CCDC186: variants seen among roughly 807,000 people sequenced by gnomAD.
CCDC186 encodes the protein coiled-coil domain containing 186.
Under a neutral mutation model 113.7 loss-of-function variants are expected in CCDC186, and 49 were observed. That is an observed-to-expected ratio of 0.43 (90% CI 0.34 to 0.55). CCDC186 has a LOEUF of 0.55. Ranked by LOEUF, CCDC186 falls within the 20% of genes least tolerant of loss-of-function variation. The pLI, the probability that CCDC186 is intolerant of heterozygous loss-of-function variation, is 0.02. For synonymous variants in CCDC186, 355 were observed against 345.8 expected (o/e 1.03, Z -0.30); for missense variants, 890 against 1,011.1 (o/e 0.88, Z 1.62).
At chr10:114,150,264 A>C (rs1209468185) in intron 4 of CCDC186, among the ~76,000 whole-genome samples, 2 of 152,226 alleles carry the variant, frequency 1.3e-5, no homozygotes, top group African/African-American at 4.8e-5. Flanking sequence ...GAAGATGACA[A>C]AGACGTCATC....
At chr10:114,142,286 CT>C (rs2031493901) in intron 6 of CCDC186, among the ~76,000 whole-genome samples, 1 of 152,240 alleles carries the variant, frequency 6.6e-6, no homozygotes, top group South Asian at 2.1e-4. Flanking sequence ...ATATTACCAT[CT>C]ACAACCTCCT....
intron 7 of CCDC186, 132 bp downstream of exon 7, chr10:114,137,054 T>A (rs1231885092): frequency 3.3e-6 from 2 of 598,308 alleles, no homozygotes; most frequent in East Asian, 6.2e-5. Flanking sequence ...GAGGCAGAGG[T>A]TGCAGTGAGC....
intron 2 of CCDC186, among the ~76,000 whole-genome samples, chr10:114,160,889 T>G (rs2032151520): frequency 6.6e-6 from 1 of 152,214 alleles, no homozygotes; most frequent in Non-Finnish European, 1.5e-5. Flanking sequence ...AACCTTGATT[T>G]AAAATAACAT....
rs1439748523 is a variant in CCDC186 at position 114,135,876 on chromosome 10, T to C, written c.1512+15A>G. ...TTTACCCTTCCTCTGGATTCATGAC[T>C]AAAGACTGAATTACCTTTGTTCTCA... is the stretch of plus-strand genomic sequence containing the variant. On this transcript the variant is annotated intron_variant, in intron 9 of 15. Coordinates refer to ENST00000369287, the MANE Select transcript of CCDC186 (RefSeq NM_018017.4). 6.3e-7 allele frequency: 1 copy of C among 1,579,940 alleles called. No individual in the cohort carries two copies. The highest frequency in any genetic ancestry group is 1.3e-5 in the African/African-American group (1 of 74,132).
chr10:114,123,379 A>G lies in CCDC186; in HGVS notation c.*1764T>C, dbSNP rs1023482365. On this transcript the variant is annotated 3_prime_UTR_variant, in exon 16 of 16. Transcript: ENST00000369287. Reference sequence around the variant, plus strand: ...ACATCTAATTCAATATATAGAAAAAAAGACATTCATTAAATAATCTAATCC... The same window carrying G: ...ACATCTAATTCAATATATAGAAAAAGAGACATTCATTAAATAATCTAATCC... The G allele has an allele frequency of 2.6e-5, 4 of 152,264 alleles. No homozygotes were observed. The highest frequency in any genetic ancestry group is 9.7e-5 in the African/African-American group (4 of 41,448). 9.4% of individuals were successfully genotyped at this position (152,264 alleles called of 1,614,324 possible). A position where few individuals can be genotyped will look rare whatever the true frequency, so the allele number is the denominator to read the frequency against.
At chr10:114,149,586 A>G (rs1348870983) in intron 4 of CCDC186, among the ~76,000 whole-genome samples, 3 of 18,088 alleles carry the variant, frequency 1.7e-4, no homozygotes, top group Non-Finnish European at 3.1e-4. Context: ...AGGGAAGGGA[A>G]GGGAAGGGAA....
At chr10:114,153,353 A>C (rs574864690) in intron 3 of CCDC186, among the ~76,000 whole-genome samples, 3 of 152,366 alleles carry the variant, frequency 2.0e-5, no homozygotes, top group East Asian at 1.9e-4. Flanking sequence ...CTGCTAAAGA[A>C]ACACAGAAGA....
Position 114,151,128 on chromosome 10 carries a change from C to G in CCDC186, c.852G>C (p.Gln284His). The stretch of plus-strand genomic sequence containing the variant: ...GTTGGGCCATCTCTTTGTGTAACTG[C>G]TGAACTGCATTTTTAGCTGTAACGT... ...AQDVTAKNAV[Q>H]QLHKEMAQRM... Residue 284 changes from glutamine to histidine, a missense_variant, in exon 4 of 16, where the codon CAG (glutamine) becomes CAC (histidine). Physicochemically the swap from Gln to His is conservative, Grantham distance 24. Transcript: ENST00000369287. The G allele has an allele frequency of 1.2e-6, 2 of 1,613,814 alleles. No homozygotes were observed. The highest frequency in any genetic ancestry group is 2.2e-5 in the East Asian group (1 of 44,846).
chr10:114,173,947 G>A, intron 1 of CCDC186, 68 bp downstream of exon 1: 1 of 455,754 alleles, frequency 2.2e-6, no homozygotes, highest in East Asian at 7.2e-5. Flanking sequence ...AGGAGCGGAA[G>A]GCTGGCAGCC....
chr10:114,164,114 A>ATTTTTTTTTTTTTTT (rs35615169), intron 1 of CCDC186, among the ~76,000 whole-genome samples: 1 of 79,182 alleles, frequency 1.3e-5, no homozygotes, highest in Non-Finnish European at 2.5e-5. Context: ...ATATATATAT[A>ATTTTTTTTTTTTTTT]TTTTTTTTTT....
chr10:114,165,741 G>A (rs371341971), intron 1 of CCDC186, among the ~76,000 whole-genome samples: 1 of 151,560 alleles, frequency 6.6e-6, no homozygotes, highest in Non-Finnish European at 1.5e-5. Context: ...CCAGCTACTC[G>A]GGAGGCTGAG....
At chr10:114,157,831 G>T in intron 2 of CCDC186, 151 bp from the exon 3 acceptor site, 1 of 646,572 alleles carries the variant, frequency 1.5e-6, no homozygotes, top group Non-Finnish European at 2.4e-6. Flanking sequence ...TCATTTTATA[G>T]TGAAACATAA....
At chr10:114,139,575 G>A (rs1470634209) in intron 6 of CCDC186, among the ~76,000 whole-genome samples, 18 of 138,778 alleles carry the variant, frequency 1.3e-4, no homozygotes, top group African/African-American at 1.6e-4. Context: ...AAAAAAAAAA[G>A]AAAAGAAAAA....
Position 114,162,754 on chromosome 10 carries a change from G to A in CCDC186, c.515C>T (p.Ser172Phe), listed in dbSNP as rs911553536. The change falls in exon 2 of 16, where the codon TCT becomes TTT. Residue 172 changes from serine to phenylalanine, a missense_variant. Transcript: ENST00000369287. ...LLEEIESELL[S>F]TEFAEHRVPN... ...TACTCGATGTTCTGCAAACTCCGTA[G>A]ATAAGAGCTCAGATTCTATTTCTTC... is the stretch of plus-strand genomic sequence containing the variant. 1.2e-6 allele frequency: 2 copies of A among 1,613,878 alleles called. No homozygotes were observed. Among genetic ancestry groups the A allele is most frequent in the South Asian group, 2.2e-5 (2 of 91,056 alleles).
At chr10:114,171,034 T>G (rs2032480044) in intron 1 of CCDC186, among the ~76,000 whole-genome samples, 1 of 152,166 alleles carries the variant, frequency 6.6e-6, no homozygotes, top group African/African-American at 2.4e-5. Flanking sequence ...ATTTTACATG[T>G]CTCCTATAAA....
chr10:114,131,896 G>A (rs752935449), intron 11 of CCDC186, 33 bp downstream of exon 11: 49 of 1,546,378 alleles, frequency 3.2e-5, no homozygotes, highest in Admixed American at 1.1e-4. Context: ...TGCTTGTTAC[G>A]TTGTTTTAAA....
intron 4 of CCDC186, among the ~76,000 whole-genome samples, chr10:114,147,533 C>G (rs992806792): frequency 7.9e-5 from 12 of 152,042 alleles, no homozygotes; most frequent in African/African-American, 2.9e-4. Flanking sequence ...TAGGAGATAT[C>G]AAGTTATTTT....
At chr10:114,160,460 C>T (rs992210744) in intron 2 of CCDC186, among the ~76,000 whole-genome samples, 3 of 152,068 alleles carry the variant, frequency 2.0e-5, no homozygotes, top group African/African-American at 7.2e-5. Context: ...TAATATACTC[C>T]ATGGTGATAA....
chr10:114,129,273 C>A (rs914075994), intron 13 of CCDC186, among the ~76,000 whole-genome samples: 3 of 151,644 alleles, frequency 2.0e-5, no homozygotes, highest in East Asian at 1.9e-4. Context: ...CAAAGTCACA[C>A]CACTGCACTC....
Sources: gnomAD v4.1 joint callset for allele counts (sites outside exome capture counted in the v4.1 genomes callset) on GRCh38, gnomAD v4.1.1 for gene constraint, MANE v1.5 for transcripts, NCBI Gene and HGNC (gene_info 2026-07-23, HGNC 2026-07-21) for gene names.